Variants in PHEX observed in about 807,000 individuals in gnomAD.
PHEX encodes the protein phosphate-regulating neutral endopeptidase PHEX.
In PHEX, 16 loss-of-function variants were observed where a neutral mutation model predicts 68.0. The ratio of observed to expected loss-of-function variants is 0.24; its 90% CI spans 0.16 to 0.36. The LOEUF is 0.36. Among genes scored for constraint, PHEX ranks in the 10% least tolerant of loss-of-function variants. PHEX has a pLI of 1.00. For synonymous variants in PHEX, 208 were observed against 205.1 expected (o/e 1.01, Z -0.12); for missense variants, 480 against 575.5 (o/e 0.83, Z 1.70).
At chrX:22,162,339 A>T (rs764855959) in intron 12 of PHEX, among the ~76,000 whole-genome samples, 1 of 112,313 alleles carries the variant, frequency 8.9e-6, no homozygotes, top group East Asian at 2.8e-4. Flanking sequence ...TCTTTTCTCG[A>T]TATTTTTCCT....
At chrX:22,227,684 T>G (rs148951680) in intron 20 of PHEX, 73 bp downstream of exon 20, 1 of 696,272 alleles carries the variant, frequency 1.4e-6, no homozygotes, top group Non-Finnish European at 2.3e-6. Flanking sequence ...CAAAGAAAGA[T>G]TTCAAACAAA....
intron 15 of PHEX, among the ~76,000 whole-genome samples, chrX:22,206,742 C>T (rs905199484): frequency 9.0e-6 from 1 of 111,249 alleles, no homozygotes; most frequent in Non-Finnish European, 1.9e-5. Flanking sequence ...TTTGCATGTC[C>T]TTCTATACAG....
chrX:22,050,094 A>G (rs777804344), intron 3 of PHEX, among the ~76,000 whole-genome samples: 3 of 112,416 alleles, frequency 2.7e-5, no homozygotes, highest in East Asian at 5.6e-4. Context: ...AATAGTTGCA[A>G]TGGAAACTGG....
At chrX:22,209,428 C>T (rs1214937252) in intron 15 of PHEX, among the ~76,000 whole-genome samples, 3 of 110,224 alleles carry the variant, frequency 2.7e-5, no homozygotes, top group Non-Finnish European at 5.7e-5. Context: ...AAAATAACTC[C>T]ATACACTGTA....
chrX:22,190,407 G>T (rs1358360949), intron 14 of PHEX, 37 bp from the exon 15 acceptor site: 21 of 1,021,843 alleles, frequency 2.1e-5, no homozygotes, highest in Non-Finnish European at 2.9e-5. Flanking sequence ...CCTGTATAAT[G>T]ATGATTGCTC....
chrX:22,054,715 G>C (rs1477680231), intron 3 of PHEX, among the ~76,000 whole-genome samples: 2 of 111,441 alleles, frequency 1.8e-5, no homozygotes, highest in African/African-American at 6.5e-5. Context: ...ATGTGCAAAG[G>C]GGTGCTGCAT....
At chrX:22,087,405 G>T (rs959051152) in intron 5 of PHEX, among the ~76,000 whole-genome samples, 1 of 111,057 alleles carries the variant, frequency 9.0e-6, no homozygotes, top group Non-Finnish European at 1.9e-5. Context: ...ATGAGAGAGG[G>T]TTGAACAAAA....
chrX:22,125,891 T>C (rs926523578), intron 11 of PHEX, among the ~76,000 whole-genome samples: 2 of 111,588 alleles, frequency 1.8e-5, no homozygotes, highest in African/African-American at 3.2e-5. Flanking sequence ...CAGCACCATA[T>C]TTTCTATGAG....
intron 10 of PHEX, among the ~76,000 whole-genome samples, chrX:22,113,943 CTTTTTTTTTT>C (rs746349559): frequency 4.7e-5 from 3 of 63,996 alleles, no homozygotes; most frequent in African/African-American, 1.2e-4. Flanking sequence ...TCTTCTTCTT[CTTTTTTTTTT>C]TTTTTTTTTT....
At chrX:22,232,835 C>T (rs1366512240) in intron 20 of PHEX, among the ~76,000 whole-genome samples, 1 of 109,524 alleles carries the variant, frequency 9.1e-6, no homozygotes, top group East Asian at 2.8e-4. Context: ...TTGATCCCGT[C>T]ATTATGCTGC....
Position 22,044,433 on chromosome X carries a change from C to T in PHEX, c.188-2617C>T, listed in dbSNP as rs144857753. ...TGATAAAATAGTAGCAGTAAGTGGC[C>T]GGGCACGGTGGCTCACGCCTGTAAT... On this transcript the variant is annotated intron_variant, in intron 2 of 21. Transcript: ENST00000379374. Among the ~76,000 whole-genome samples the T allele has an allele frequency of 7.7e-3, 855 of 111,506 alleles. 4 individuals carry two copies. Among genetic ancestry groups the T allele is most frequent in the African/African-American group, 0.026 (789 of 30,734 alleles).
chrX:22,224,993 G>GTTTTATTA (rs1935436560), intron 18 of PHEX, among the ~76,000 whole-genome samples: 1 of 99,031 alleles, frequency 1.0e-5, no homozygotes, highest in Non-Finnish European at 2.1e-5. Context: ...AGCTCTGTAT[G>GTTTTATTA]TCAGAAGTCT....
At chrX:22,180,027 G>A in intron 14 of PHEX, among the ~76,000 whole-genome samples, 1 of 107,391 alleles carries the variant, frequency 9.3e-6, no homozygotes, top group South Asian at 4.2e-4. Flanking sequence ...AAAATCAAAA[G>A]TAACTGTCCT....
At chrX:22,045,923 TA>T (rs1408344834) in intron 2 of PHEX, among the ~76,000 whole-genome samples, 5 of 112,790 alleles carry the variant, frequency 4.4e-5, no homozygotes, top group African/African-American at 1.6e-4. Context: ...ATATAACTTT[TA>T]AATATTTAGA....
chrX:22,251,264 C>T lies in PHEX; in HGVS notation c.*3311C>T, dbSNP rs1189922837. 8.9e-6 allele frequency: 1 copy of T among 112,432 alleles called. No individual in the cohort carries two copies. Among genetic ancestry groups the T allele is most frequent in the Non-Finnish European group, 1.9e-5 (1 of 53,301 alleles). 9.3% of individuals were successfully genotyped at this position (112,432 alleles called of 1,213,427 possible). A position where few individuals can be genotyped will look rare whatever the true frequency, so the allele number is the denominator to read the frequency against. Reference sequence around the variant, plus strand: ...GTATTTTCTTCTCCTACTCGTGAAACGATGTGAACAAGCATTTTAAGGACA... The same window carrying T: ...GTATTTTCTTCTCCTACTCGTGAAATGATGTGAACAAGCATTTTAAGGACA... On this transcript the variant is annotated 3_prime_UTR_variant, in exon 22 of 22. Transcript: ENST00000379374.
At chrX:22,035,606 C>G (rs544246887) in intron 1 of PHEX, among the ~76,000 whole-genome samples, 59 of 111,787 alleles carry the variant, frequency 5.3e-4, no homozygotes, top group Middle Eastern at 4.6e-3. Flanking sequence ...AAAAGCCATT[C>G]ATAGCTCATG....
rs1936443792 is a variant in PHEX, at chrX:22,248,022, T to C, written c.*69T>C. 7.9e-6 allele frequency: 6 copies of C among 762,936 alleles called. No individual in the cohort carries two copies. The highest frequency in any genetic ancestry group is 1.2e-5 in the Non-Finnish European group (6 of 486,648). The allele number at this position is 762,936 out of a possible 1,213,427, so 62.9% of individuals were successfully genotyped here. A position where few individuals can be genotyped will look rare whatever the true frequency, so the allele number is the denominator to read the frequency against. On this transcript the variant is annotated 3_prime_UTR_variant, in exon 22 of 22. Transcript: ENST00000379374. ...CAGCGGAGGCTGCACTGAGCCTTCA[T>C]CGCCCATTGCTTTAGGCCTGGAGAC...
At chrX:22,093,385 G>A (rs73635601) in intron 6 of PHEX, among the ~76,000 whole-genome samples, 7,613 of 111,731 alleles carry the variant, frequency 0.068, 378 homozygotes, top group African/African-American at 0.17. Flanking sequence ...TTCTATATTT[G>A]CTATTTGTTA....
intron 16 of PHEX, among the ~76,000 whole-genome samples, chrX:22,213,514 A>G (rs1934997122): frequency 2.7e-5 from 3 of 112,076 alleles, no homozygotes; most frequent in Admixed American, 9.5e-5. Flanking sequence ...TTAGAAATAT[A>G]ACCTGTGTAG....
Sources: gnomAD v4.1 joint callset for allele counts (sites outside exome capture counted in the v4.1 genomes callset) on GRCh38, gnomAD v4.1.1 for gene constraint, MANE v1.5 for transcripts, NCBI Gene and HGNC (gene_info 2026-07-23, HGNC 2026-07-21) for gene names.